The following CERS4 variants were observed in gnomAD, a reference collection of about 807,000 sequenced individuals.
CERS4 encodes LAG1 homolog, ceramide synthase 4.
CERS4 carries 65 observed loss-of-function variants against 51.8 expected under a neutral mutation model. The ratio of observed to expected loss-of-function variants is 1.26; its 90% CI spans 1.03 to 1.54. CERS4 has a LOEUF of 1.54. Ranked by LOEUF, CERS4 falls within the 40% of genes most tolerant of loss-of-function variation. CERS4 has a pLI of 0.00. For missense variants in CERS4, 563 were observed against 500.4 expected (o/e 1.13, Z -1.19); for synonymous variants, 228 against 208.4 (o/e 1.09, Z -0.81).
chr19:8,245,126 A>AAAAAAAAAACAAAAAAAAACAAAC (rs1968718348), intron 2 of CERS4, among the ~76,000 whole-genome samples: 1 of 148,130 alleles, frequency 6.8e-6, no homozygotes, highest in African/African-American at 2.5e-5. Context: ...AAAAAAAAAA[A>AAAAAAAAAACAAAAAAAAACAAAC]AAAAAAAAAC....
chr19:8,235,850 C>T (rs1968225829), intron 2 of CERS4, among the ~76,000 whole-genome samples: 3 of 151,748 alleles, frequency 2.0e-5, no homozygotes, highest in South Asian at 4.2e-4. Context: ...GAGCTGTGAT[C>T]GTGCCACTGT....
intron 2 of CERS4, among the ~76,000 whole-genome samples, chr19:8,236,683 AAAAAAAAAAAAAAAAAAAG>A (rs1479116085): frequency 9.7e-6 from 1 of 102,736 alleles, no homozygotes; most frequent in African/African-American, 5.9e-5. Flanking sequence ...TGTCTTCTAA[AAAAAAAAAAAAAAAAAAAG>A]AAAGAAAGAA....
intron 9 of CERS4, 89 bp from the exon 10 acceptor site, chr19:8,257,790 C>T: frequency 1.0e-6 from 1 of 966,878 alleles, no homozygotes; most frequent in Non-Finnish European, 1.6e-6. Flanking sequence ...AAGGCCCCAC[C>T]CCAACTCACC....
At chr19:8,250,798 A>C (rs958785058) in intron 2 of CERS4, 5 of 1,177,108 alleles carry the variant, frequency 4.2e-6, no homozygotes, top group Non-Finnish European at 5.2e-6. Context: ...AGAGAGGTCA[A>C]GTCATTTGCC....
At chr19:8,252,691 G>C (rs1018802493) in intron 3 of CERS4, among the ~76,000 whole-genome samples, 14 of 152,078 alleles carry the variant, frequency 9.2e-5, no homozygotes, top group African/African-American at 3.1e-4. Flanking sequence ...CACCCACCTT[G>C]GCCTCCCAAA....
Position 8,256,618 on chromosome 19 carries a change from A to ACTCTGAAG in CERS4, c.522_529dup (p.Pro177LeufsTer2). 1 of 1,610,714 alleles carries ACTCTGAAG rather than the reference A, an allele frequency of 6.2e-7. No homozygotes were observed. Among genetic ancestry groups the ACTCTGAAG allele is most frequent in the Non-Finnish European group, 8.5e-7 (1 of 1,178,786 alleles). On this transcript the variant is annotated frameshift_variant and splice_region_variant, in exon 8 of 12. Coordinates refer to ENST00000251363, the MANE Select transcript of CERS4 (RefSeq NM_024552.3). LOFTEE classifies it high-confidence loss of function. ...CTAACCTTGTCCTGTCCTGCTGCAG[A>ACTCTGAAG]CTCTGAAGCCATCCCTGTACTGGTG...
In CERS4 at chr19:8,262,386, G is replaced by A. The variant is rs1403552227; in HGVS notation, c.*277G>A. The A allele has an allele frequency of 1.1e-5, 4 of 377,108 alleles. No homozygotes were observed. Among genetic ancestry groups the A allele is most frequent in the Non-Finnish European group, 1.9e-5 (4 of 212,662 alleles). 23.4% of individuals were successfully genotyped at this position (377,108 alleles called of 1,614,324 possible). A position where few individuals can be genotyped will look rare whatever the true frequency, so the allele number is the denominator to read the frequency against. On this transcript the variant is annotated 3_prime_UTR_variant, in exon 12 of 12. Transcript: ENST00000251363. Reference sequence around the variant, plus strand: ...GCCTGGGGGCTGGGGGGAGCCCCAGGCTGAAAAGGGTCCAATTAAAACAAA... The same window carrying A: ...GCCTGGGGGCTGGGGGGAGCCCCAGACTGAAAAGGGTCCAATTAAAACAAA...
At chr19:8,234,134 G>A (rs1322877982) in intron 2 of CERS4, among the ~76,000 whole-genome samples, 6 of 150,484 alleles carry the variant, frequency 4.0e-5, no homozygotes, top group South Asian at 2.1e-4. Context: ...GTGAAACCCC[G>A]TCTCTACTAA....
At chr19:8,226,577 G>A (rs1342280070) in intron 2 of CERS4, among the ~76,000 whole-genome samples, 1 of 152,206 alleles carries the variant, frequency 6.6e-6, no homozygotes, top group Admixed American at 6.6e-5. Flanking sequence ...TGGAAGGTGG[G>A]CAGGGACATC....
intron 2 of CERS4, chr19:8,239,275 T>C (rs1968413838): frequency 6.6e-6 from 1 of 151,596 alleles, no homozygotes; most frequent in Admixed American, 6.6e-5. Context: ...GGCAAACACC[T>C]GTCATCCTAG....
At chr19:8,256,581 C>G (rs575558405) in intron 7 of CERS4, 37 bp from the exon 8 acceptor site, 1 of 1,572,678 alleles carries the variant, frequency 6.4e-7, no homozygotes, top group East Asian at 2.2e-5. Context: ...TTGGAGCCTT[C>G]GCTCCCCACA....
chr19:8,219,480 C>T (rs567164811), intron 2 of CERS4, among the ~76,000 whole-genome samples: 27 of 152,300 alleles, frequency 1.8e-4, no homozygotes, highest in African/African-American at 6.5e-4. Context: ...GCCTGGGCAA[C>T]ATAGTAAGAC....
Position 8,247,198 on chromosome 19 carries a change from C to T in CERS4, c.-1-3878C>T, listed in dbSNP as rs537821203. Among the ~76,000 whole-genome samples, 12 of 152,180 alleles carry T rather than the reference C, an allele frequency of 7.9e-5. 1 individual carries two copies. Among genetic ancestry groups the T allele is most frequent in the African/African-American group, 2.9e-4 (12 of 41,524 alleles). ...TGGGGGAAATAATCCAGATTCTTCC[C>T]TGCGGCCCCCATGCCTTGCAGGCTC... On this transcript the variant is annotated intron_variant, in intron 2 of 11. Transcript: ENST00000251363.
At chr19:8,261,618 A>T in intron 10 of CERS4, 70 bp from the exon 11 acceptor site, 1 of 1,573,280 alleles carries the variant, frequency 6.4e-7, no homozygotes. Context: ...CATGCCAGTT[A>T]GAAATTCTTA....
chr19:8,258,003 T>TG lies in CERS4; in HGVS notation c.848+23dup, dbSNP rs1285262447. On this transcript the variant is annotated intron_variant, in intron 10 of 11. Transcript: ENST00000251363. ...CCCACCCAGTGAGTCAGCCCTCCCA[T>TG]GGGGGTCAGGGAGGTGGGAGGGCGT... 1.3e-6 allele frequency: 2 copies of TG among 1,582,858 alleles called. No individual in the cohort carries two copies. Among genetic ancestry groups the TG allele is most frequent in the Non-Finnish European group, 1.7e-6 (2 of 1,152,292 alleles).
chr19:8,243,703 A>C (rs1968637613), intron 2 of CERS4, among the ~76,000 whole-genome samples: 1 of 150,480 alleles, frequency 6.6e-6, no homozygotes, highest in Non-Finnish European at 1.5e-5. Flanking sequence ...TGATAGATAG[A>C]GGATTCCATC....
At chr19:8,232,089 C>T (rs752614748) in intron 2 of CERS4, among the ~76,000 whole-genome samples, 29 of 151,654 alleles carry the variant, frequency 1.9e-4, no homozygotes, top group Admixed American at 3.3e-4. Context: ...CTCAGCCTCC[C>T]GAAGCAGTGG....
chr19:8,237,051 CTG>C (rs1395771350), intron 2 of CERS4, among the ~76,000 whole-genome samples: 2 of 132,370 alleles, frequency 1.5e-5, no homozygotes, highest in African/African-American at 2.8e-5. Context: ...AGAAAGAAAT[CTG>C]TTTATTTCTT....
At chr19:8,228,686 T>A (rs550559218) in intron 2 of CERS4, among the ~76,000 whole-genome samples, 10 of 143,082 alleles carry the variant, frequency 7.0e-5, no homozygotes, top group Middle Eastern at 3.9e-3. Flanking sequence ...AAAAAAAAAA[T>A]TTTTTTTTTA....
Sources: allele counts gnomAD v4.1 joint callset (sites outside exome capture counted in the v4.1 genomes callset), GRCh38; gene constraint gnomAD v4.1.1; transcripts MANE v1.5; gene names NCBI Gene and HGNC (gene_info 2026-07-23, HGNC 2026-07-21).